TMEM201: variants seen among roughly 807,000 people sequenced by gnomAD.
The protein encoded by TMEM201 is transmembrane protein 201.
Under a neutral mutation model 63.4 loss-of-function variants are expected in TMEM201, and 26 were observed. The ratio of observed to expected loss-of-function variants is 0.41; its 90% CI spans 0.30 to 0.57. The LOEUF (loss-of-function observed/expected upper bound fraction) is 0.57, where lower values mean the gene tolerates loss of function less well. TMEM201 is among the 20% of genes least tolerant of loss of function. The pLI, the probability that TMEM201 is intolerant of heterozygous loss-of-function variation, is 0.29. For synonymous variants in TMEM201, 417 were observed against 421.6 expected (o/e 0.99, Z 0.14); for missense variants, 794 against 917.7 (o/e 0.87, Z 1.74).
Position 9,607,648 on chromosome 1 carries a change from T to C in TMEM201, c.1252T>C (p.Phe418Leu). The change falls in exon 7 of 11, where the codon TTC (phenylalanine) becomes CTC (leucine). Residue 418 changes from phenylalanine to leucine, a missense_variant. Coordinates refer to ENST00000340381, the MANE Select transcript of TMEM201 (RefSeq NM_001130924.3). This position sits in a 1 kb window ranked among gnomAD's most constrained non-coding sequence, Gnocchi z 5.4. ...PSVGGSPASL[F>L]IPSPPSFLPL... is the part of the protein sequence containing the mutation. ...TGTCGGAGGCTCTCCAGCGTCTCTG[T>C]TCATCCCCAGCCCGCCCAGCTTCCT... 1 of 1,551,858 alleles carries C rather than the reference T, an allele frequency of 6.4e-7. No homozygotes were observed. The highest frequency in any genetic ancestry group is 8.7e-7 in the Non-Finnish European group (1 of 1,147,052).
At position 9,588,954 on chromosome 1, in the gene TMEM201, G is replaced by A. The variant is rs1643873072; in HGVS notation, c.24G>A (p.Leu8=). The A allele has an allele frequency of 7.8e-7, 1 of 1,278,030 alleles. No individual in the cohort carries two copies. Among genetic ancestry groups the A allele is most frequent in the Non-Finnish European group, 1.0e-6 (1 of 993,990 alleles). 79.2% of individuals were successfully genotyped at this position (1,278,030 alleles called of 1,614,324 possible). ...CCATGGAGGGAGTGAGCGCGCTGCT[G>A]GCCCGCTGCCCCACGGCCGGCCTGG... The part of the protein sequence containing the change: MEGVSAL[L]ARCPTAGLAG... The change falls in exon 1 of 11, where the codon CTG becomes CTA. Residue 8 remains leucine (L), a synonymous_variant. Coordinates refer to ENST00000340381, the MANE Select transcript of TMEM201 (RefSeq NM_001130924.3).
chr1:9,589,123 C>T (rs867377328), intron 1 of TMEM201, 80 bp downstream of exon 1: 29 of 664,226 alleles, frequency 4.4e-5, no homozygotes, highest in East Asian at 1.3e-4. Flanking sequence ...CCCGCTGCCC[C>T]CCTCGGCCGG....
rs528315869 is a variant in TMEM201 at position 9,602,847 on chromosome 1, C to T, written c.1160+575C>T. ...CCCCTTGGTCCTGCTTATGGCTGGA[C>T]CGGCCCTGCAGGAGGTGGTGGAGCC... On this transcript the variant is annotated intron_variant, in intron 6 of 10. Coordinates refer to ENST00000340381, the MANE Select transcript of TMEM201 (RefSeq NM_001130924.3). 188 of 985,856 alleles carry T rather than the reference C, an allele frequency of 1.9e-4. No homozygotes were observed. The African/African-American group carries it at 3.1e-3, about 16-fold the overall frequency. 61.1% of individuals were successfully genotyped at this position (985,856 alleles called of 1,614,324 possible). A position where few individuals can be genotyped will look rare whatever the true frequency, so the allele number is the denominator to read the frequency against.
At chr1:9,591,316 C>G (rs1372898319) in intron 1 of TMEM201, among the ~76,000 whole-genome samples, 1 of 152,232 alleles carries the variant, frequency 6.6e-6, no homozygotes, top group East Asian at 1.9e-4. Flanking sequence ...CCCACATCAC[C>G]CGGCTGTTAA....
chr1:9,601,326 C>T lies in TMEM201; in HGVS notation c.828C>T (p.Gly276=), dbSNP rs746121512. 3 of 1,609,098 alleles carry T rather than the reference C, an allele frequency of 1.9e-6. No homozygotes were observed. The Admixed American group carries it at 5.0e-5, about 27-fold the overall frequency. ...CCGAGGGCTGGCGGCAGTTGCTGGGCCTACTCCCCGAGCACATGGCGGAGA... is the reference window on the plus strand; with the variant it reads ...CCGAGGGCTGGCGGCAGTTGCTGGGTCTACTCCCCGAGCACATGGCGGAGA... ...PGAEGWRQLL[G]LLPEHMAEKL... The change falls in exon 5 of 11, where the codon GGC becomes GGT. Residue 276 remains glycine, a synonymous_variant. Transcript: ENST00000340381.
chr1:9,596,804 A>G, intron 2 of TMEM201, 55 bp from the exon 3 acceptor site: 1 of 1,536,002 alleles, frequency 6.5e-7, no homozygotes. Context: ...GACATCACCA[A>G]GCCTGAGCCA....
chr1:9,613,107 G>A lies in TMEM201; in HGVS notation c.*24G>A, dbSNP rs962561350. 18 of 1,547,806 alleles carry A rather than the reference G, an allele frequency of 1.2e-5. No homozygotes were observed. The highest frequency in any genetic ancestry group is 3.9e-5 in the Admixed American group (2 of 50,980). ...GACCCACCGTTGGAGCCCCTCGGAG[G>A]GGAGCAACCCGGTGCCTGCTGCTTC... On this transcript the variant is annotated 3_prime_UTR_variant, in exon 11 of 11. Coordinates refer to ENST00000340381, the MANE Select transcript of TMEM201 (RefSeq NM_001130924.3).
At position 9,613,215 on chromosome 1, in the gene TMEM201, A is replaced by G; in HGVS notation, c.*132A>G. The G allele has an allele frequency of 1.2e-6, 1 of 824,266 alleles. No individual in the cohort carries two copies. The highest frequency in any genetic ancestry group is 1.9e-6 in the Non-Finnish European group (1 of 517,566). The allele number at this position is 824,266 out of a possible 1,614,324, so 51.1% of individuals were successfully genotyped here. On this transcript the variant is annotated 3_prime_UTR_variant, in exon 11 of 11. Transcript: ENST00000340381. ...AGGGCCTTGACCTCACTGGACTGTG[A>G]CTGTCCTCAGGACACCTGCCCCTCC...
At position 9,614,681 on chromosome 1, in the gene TMEM201, C is replaced by G. The variant is rs1644366866; in HGVS notation, c.*1598C>G. The G allele has an allele frequency of 6.6e-6, 1 of 152,214 alleles. No homozygotes were observed. Among genetic ancestry groups the G allele is most frequent in the African/African-American group, 2.4e-5 (1 of 41,444 alleles). The allele number at this position is 152,214 out of a possible 1,614,324, so 9.4% of individuals were successfully genotyped here. A position where few individuals can be genotyped will look rare whatever the true frequency, so the allele number is the denominator to read the frequency against. ...ATTCCCAAATGCACTCCATCTCTGG[C>G]TCTGAGGGCGCTCCCTCCTCTCAGC... On this transcript the variant is annotated 3_prime_UTR_variant, in exon 11 of 11. Coordinates refer to ENST00000340381, the MANE Select transcript of TMEM201 (RefSeq NM_001130924.3).
At chr1:9,597,544 T>A (rs898799154) in intron 3 of TMEM201, among the ~76,000 whole-genome samples, 8 of 152,192 alleles carry the variant, frequency 5.3e-5, no homozygotes, top group African/African-American at 1.9e-4. Context: ...CTGAGAGGCT[T>A]GGCATTAAGG....
chr1:9,608,910 G>C lies in TMEM201; in HGVS notation c.1394-930G>C, dbSNP rs189657346. 6.6e-6 allele frequency among the ~76,000 whole-genome samples: 1 copy of C among 152,152 alleles called. No homozygotes were observed. Among genetic ancestry groups the C allele is most frequent in the African/African-American group, 2.4e-5 (1 of 41,458 alleles). ...CCAGTCTCCATTACCAGAGTGGGTC[G>C]GGGGGAGGAGCCCGGTCTCCATCGC... is the stretch of plus-strand genomic sequence containing the variant. On this transcript the variant is annotated intron_variant, in intron 7 of 10. Coordinates refer to ENST00000340381, the MANE Select transcript of TMEM201 (RefSeq NM_001130924.3). This position sits in a 1 kb window ranked among gnomAD's most constrained non-coding sequence, Gnocchi z 4.3.
chr1:9,592,943 C>T (rs1443208819), intron 1 of TMEM201, among the ~76,000 whole-genome samples: 1 of 152,228 alleles, frequency 6.6e-6, no homozygotes, highest in Non-Finnish European at 1.5e-5. Context: ...CCCCTCCAGG[C>T]CCGAGCTCCT....
rs1416608008 is a variant in TMEM201 at position 9,604,105 on chromosome 1, G to C, written c.1160+1833G>C. 2 of 985,336 alleles carry C rather than the reference G, an allele frequency of 2.0e-6. No individual in the cohort carries two copies. The highest frequency in any genetic ancestry group is 1.1e-4 in the East Asian group (1 of 8,816). 61.0% of individuals were successfully genotyped at this position (985,336 alleles called of 1,614,324 possible). On this transcript the variant is annotated intron_variant, in intron 6 of 10. Coordinates refer to ENST00000340381, the MANE Select transcript of TMEM201 (RefSeq NM_001130924.3). The surrounding 1 kb of genome is among the most constrained non-coding windows in gnomAD (Gnocchi z 4.1). ...CGTGGTGGAGCCAGGACGGGAAAGC[G>C]TCCTGTCGGCTGGCCATGCTGTTGC...
intron 6 of TMEM201, 102 bp downstream of exon 6, chr1:9,602,374 C>T (rs1448630880): frequency 4.6e-6 from 7 of 1,506,664 alleles, no homozygotes; most frequent in Admixed American, 2.0e-5. Context: ...CCTCTTTTCA[C>T]CTGCTCACGC....
intron 5 of TMEM201, 49 bp from the exon 6 acceptor site, chr1:9,602,020 C>T: frequency 6.3e-7 from 1 of 1,584,062 alleles, no homozygotes; most frequent in Admixed American, 1.7e-5. Flanking sequence ...AGGCGTGGAC[C>T]CAGGAGGTCT....
At chr1:9,606,869 G>A (rs983493534) in intron 6 of TMEM201, among the ~76,000 whole-genome samples, 2 of 152,196 alleles carry the variant, frequency 1.3e-5, no homozygotes, top group African/African-American at 4.8e-5. Flanking sequence ...TCTAAGTTCG[G>A]TTTTGGCGTT....
At chr1:9,595,320 G>A (rs1211811999) in intron 1 of TMEM201, among the ~76,000 whole-genome samples, 1 of 152,204 alleles carries the variant, frequency 6.6e-6, no homozygotes, top group African/African-American at 2.4e-5. Flanking sequence ...CTGGGCAGCT[G>A]TCACTTGCTC....
intron 7 of TMEM201, among the ~76,000 whole-genome samples, chr1:9,609,538 T>C (rs1488669559): frequency 3.3e-5 from 5 of 152,182 alleles, no homozygotes; most frequent in African/African-American, 1.2e-4. Context: ...CACCACCTGC[T>C]GTGAGCCTCA....
Position 9,607,682 on chromosome 1 carries a change from C to T in TMEM201, c.1286C>T (p.Ala429Val). ...IPSPPSFLPL[A>V]NQQLFRSPRR... ...AGCCCGCCCAGCTTCCTGCCCCTCG[C>T]CAACCAGCAGCTCTTCCGGTCTCCT... Residue 429 changes from alanine (A) to valine (V), a missense_variant, in exon 7 of 11, where the codon GCC (alanine) becomes GTC (valine). By Grantham distance (64) the Ala-to-Val change is moderately conservative. Transcript: ENST00000340381. This position sits in a 1 kb window ranked among gnomAD's most constrained non-coding sequence, Gnocchi z 5.4. The T allele has an allele frequency of 6.4e-7, 1 of 1,552,038 alleles. No homozygotes were observed. The highest frequency in any genetic ancestry group is 8.7e-7 in the Non-Finnish European group (1 of 1,147,116).
Sources: gnomAD v4.1 joint callset for allele counts (sites outside exome capture counted in the v4.1 genomes callset) on GRCh38, gnomAD v4.1.1 for gene constraint, Gnocchi (gnomAD v3.1) non-coding constraint, MANE v1.5 for transcripts, NCBI Gene and HGNC (gene_info 2026-07-23, HGNC 2026-07-21) for gene names.